SIL1: variants seen among roughly 807,000 people sequenced by gnomAD.
SIL1 encodes the protein SIL1 nucleotide exchange factor.
SIL1 carries 40 observed loss-of-function variants against 49.1 expected under a neutral mutation model. That is an observed-to-expected ratio of 0.81 (90% confidence interval 0.63 to 1.06). SIL1 has a LOEUF of 1.06. SIL1 is among the 50% of genes least tolerant of loss of function. The pLI is 0.00. For missense variants in SIL1, 500 were observed against 572.6 expected (o/e 0.87, Z 1.29); for synonymous variants, 253 against 250.8 (o/e 1.01, Z -0.08).
At chr5:138,954,179 A>G (rs1766849407) in intron 7 of SIL1, among the ~76,000 whole-genome samples, 1 of 152,226 alleles carries the variant, frequency 6.6e-6, no homozygotes, top group Non-Finnish European at 1.5e-5. Context: ...CACCCCATTT[A>G]GAGTAGGAGA....
chr5:139,194,166 G>A (rs949945145), intron 1 of SIL1, among the ~76,000 whole-genome samples: 1 of 152,222 alleles, frequency 6.6e-6, no homozygotes, highest in South Asian at 2.1e-4. Flanking sequence ...ACAAGTCTGG[G>A]CTGAATATAG....
chr5:138,948,966 T>G lies in SIL1; in HGVS notation c.1030-1493A>C, dbSNP rs558168687. On this transcript the variant is annotated intron_variant, in intron 9 of 9. Transcript: ENST00000394817. This position sits in a 1 kb window ranked among gnomAD's most constrained non-coding sequence, Gnocchi z 4.8. Reference sequence around the variant, plus strand: ...CAGATGCACCCACCCAATCGTGGATTTCCCAGCCTCCCGAATCATGAGCCA... The same window carrying G: ...CAGATGCACCCACCCAATCGTGGATGTCCCAGCCTCCCGAATCATGAGCCA... 7.9e-5 allele frequency among the ~76,000 whole-genome samples: 12 copies of G among 152,332 alleles called. No individual in the cohort carries two copies. The South Asian group carries it at 2.5e-3, about 32-fold the overall frequency.
At chr5:139,137,251 C>A (rs151239273) in intron 1 of SIL1, 1 of 694,258 alleles carries the variant, frequency 1.4e-6, no homozygotes, top group Admixed American at 2.1e-5. Context: ...TTACTCTTCA[C>A]GACAACCCTC....
chr5:139,097,483 C>T (rs1770493311), intron 3 of SIL1, among the ~76,000 whole-genome samples: 1 of 145,110 alleles, frequency 6.9e-6, no homozygotes, highest in Non-Finnish European at 1.5e-5. Context: ...AGTAGCATTT[C>T]TCTTTTTTTT....
chr5:138,995,905 T>C (rs1345943565), intron 7 of SIL1, among the ~76,000 whole-genome samples: 1 of 152,234 alleles, frequency 6.6e-6, no homozygotes, highest in Non-Finnish European at 1.5e-5. Context: ...TTTTATTGTG[T>C]ATATGTGCCA....
intron 7 of SIL1, among the ~76,000 whole-genome samples, chr5:138,954,044 G>A: frequency 6.6e-6 from 1 of 152,148 alleles, no homozygotes; most frequent in Admixed American, 6.5e-5. Flanking sequence ...TTTCTGCACT[G>A]TGACCAGGGC....
intron 1 of SIL1, among the ~76,000 whole-genome samples, chr5:139,184,564 TCAGGAGGCTGAGGTGGGAGG>T (rs1389228668): frequency 2.0e-5 from 3 of 152,022 alleles, no homozygotes; most frequent in Non-Finnish European, 4.4e-5. Context: ...TAGTCCCAGC[TCAGGAGGCTGAGGTGGGAGG>T]ATATCTTGAG....
At chr5:139,186,819 T>C (rs1220816295) in intron 1 of SIL1, among the ~76,000 whole-genome samples, 1 of 152,208 alleles carries the variant, frequency 6.6e-6, no homozygotes, top group African/African-American at 2.4e-5. Context: ...ACAGATGCAG[T>C]GTCTGCCCTC....
chr5:138,989,329 A>T (rs1390478994), intron 7 of SIL1, among the ~76,000 whole-genome samples: 1 of 152,150 alleles, frequency 6.6e-6, no homozygotes. Flanking sequence ...CGGGCAGATC[A>T]CTTGAGGCCA....
intron 7 of SIL1, among the ~76,000 whole-genome samples, chr5:138,999,345 T>C (rs1767939090): frequency 6.6e-6 from 1 of 152,200 alleles, no homozygotes; most frequent in Non-Finnish European, 1.5e-5. Context: ...TCCAGATTGT[T>C]CACTGTTGGC....
chr5:139,131,282 G>A (rs1750857236), intron 1 of SIL1, among the ~76,000 whole-genome samples: 1 of 152,100 alleles, frequency 6.6e-6, no homozygotes, highest in African/African-American at 2.4e-5. Flanking sequence ...AGAATGCGGT[G>A]TTTACTTTTT....
intron 7 of SIL1, among the ~76,000 whole-genome samples, chr5:138,995,508 TG>T (rs1767846436): frequency 6.6e-6 from 1 of 152,250 alleles, no homozygotes; most frequent in South Asian, 2.1e-4. Flanking sequence ...CCCAAAGTGC[TG>T]GGATTACAGG....
chr5:138,978,863 G>A (rs1009102037), intron 7 of SIL1, among the ~76,000 whole-genome samples: 7 of 151,784 alleles, frequency 4.6e-5, no homozygotes, highest in Non-Finnish European at 1.0e-4. Context: ...TTTTTAATTG[G>A]GTTGTCTTTT....
intron 4 of SIL1, among the ~76,000 whole-genome samples, chr5:139,050,032 T>C (rs1769253766): frequency 1.3e-5 from 2 of 152,232 alleles, no homozygotes; most frequent in Non-Finnish European, 2.9e-5. Flanking sequence ...CAAATGAGCA[T>C]GGCTGTGTCC....
rs1421847930 is a variant in SIL1, at chr5:139,010,196, G to A, written c.767+10975C>T. 2.4e-4 allele frequency among the ~76,000 whole-genome samples: 35 copies of A among 146,596 alleles called. No homozygotes were observed. The East Asian group carries it at 5.0e-3, about 21-fold the overall frequency. On this transcript the variant is annotated intron_variant, in intron 7 of 9. Transcript: ENST00000394817. ...CTTTTTTCTCTAAACTTCCCTTCTC[G>A]CTTCATTTCATTCATTTCATCTTCC... is the stretch of plus-strand genomic sequence containing the variant.
intron 1 of SIL1, among the ~76,000 whole-genome samples, chr5:139,178,167 A>C (rs1213106875): frequency 6.6e-6 from 1 of 152,224 alleles, no homozygotes; most frequent in Admixed American, 6.5e-5. Context: ...TGCCCCAACA[A>C]CACACTGACT....
chr5:139,074,565 A>C (rs1224737854), intron 3 of SIL1, among the ~76,000 whole-genome samples: 2 of 152,360 alleles, frequency 1.3e-5, no homozygotes, highest in Admixed American at 6.5e-5. Flanking sequence ...TCAACGAACA[A>C]GATGCTGAGT....
In SIL1 at chr5:139,077,574, G is replaced by A. The variant is rs551525708; in HGVS notation, c.245-26528C>T. 3.3e-5 allele frequency among the ~76,000 whole-genome samples: 5 copies of A among 152,188 alleles called. No individual in the cohort carries two copies. The East Asian group carries it at 9.7e-4, about 29-fold the overall frequency. ...TTAACCCCCTTAGCTTTTCCCAACAGCTACTACCTTACCTCTTAAGCTCAG... is the reference window on the plus strand; with the variant it reads ...TTAACCCCCTTAGCTTTTCCCAACAACTACTACCTTACCTCTTAAGCTCAG... On this transcript the variant is annotated intron_variant, in intron 3 of 9. Transcript: ENST00000394817.
intron 7 of SIL1, among the ~76,000 whole-genome samples, chr5:138,979,565 G>A (rs1181013251): frequency 1.1e-4 from 16 of 151,932 alleles, no homozygotes; most frequent in Non-Finnish European, 5.9e-5. Flanking sequence ...GTGCAGTGGC[G>A]TGATCTCGAC....
Sources: gnomAD v4.1 joint callset for allele counts (sites outside exome capture counted in the v4.1 genomes callset) on GRCh38, gnomAD v4.1.1 for gene constraint, Gnocchi (gnomAD v3.1) non-coding constraint, MANE v1.5 for transcripts, NCBI Gene and HGNC (gene_info 2026-07-23, HGNC 2026-07-21) for gene names.